The following MTFMT variants were observed in gnomAD, a reference collection of about 807,000 sequenced individuals.
MTFMT encodes methionyl-tRNA formyltransferase, mitochondrial.
In MTFMT, 47 loss-of-function variants were observed where a neutral mutation model predicts 51.8. The ratio of observed to expected loss-of-function variants is 0.91; its 90% confidence interval spans 0.72 to 1.16. MTFMT has a LOEUF of 1.16. Among genes scored for constraint, MTFMT ranks in the 50% most tolerant of loss-of-function variants. The pLI is 0.00. For missense variants in MTFMT, 512 were observed against 482.3 expected (o/e 1.06, Z -0.58); for synonymous variants, 196 against 176.7 (o/e 1.11, Z -0.87).
chr15:65,003,126 G>A lies in MTFMT; in HGVS notation c.1106C>T (p.Thr369Ile). Residue 369 changes from threonine to isoleucine, a missense_variant, in exon 9 of 9, where the codon ACT becomes ATT. Transcript: ENST00000220058. ...CTTCTTCTTTGTTGGAAGTCTGAGAGTCTGAAATCTGCATTGGCTTGGTTG... is the reference window on the plus strand; with the variant it reads ...CTTCTTCTTTGTTGGAAGTCTGAGAATCTGAAATCTGCATTGGCTTGGTTG... ...QAQPSQCRFQ[T>I]LRLPTKKKQK... 1.2e-6 allele frequency: 2 copies of A among 1,613,194 alleles called. No homozygotes were observed. The highest frequency in any genetic ancestry group is 1.7e-6 in the Non-Finnish European group (2 of 1,179,540).
At position 65,026,997 on chromosome 15, in the gene MTFMT, T is replaced by A. The variant is rs752682472; in HGVS notation, c.253A>T (p.Thr85Ser). The A allele has an allele frequency of 6.2e-7, 1 of 1,613,940 alleles. No homozygotes were observed. The highest frequency in any genetic ancestry group is 1.7e-5 in the Admixed American group (1 of 60,006). ...CCTTTTGGTGATGGGGAAGGCATTG[T>A]GACCACCTCCAGTTTGTCGATTAAC... ...EELIDKLEVV[T>S]MPSPSPKGLP... Residue 85 changes from threonine (T) to serine (S), a missense_variant, in exon 2 of 9, where the codon ACA becomes TCA. By Grantham distance (58) the Thr-to-Ser change is moderately conservative. Transcript: ENST00000220058.
intron 6 of MTFMT, among the ~76,000 whole-genome samples, chr15:65,012,354 G>GA (rs1030356797): frequency 1.1e-4 from 17 of 150,202 alleles, no homozygotes; most frequent in Non-Finnish European, 2.1e-4. Flanking sequence ...ACTACCTTTA[G>GA]AAAAAAAAAT....
At chr15:65,010,279 A>G (rs1595888912) in intron 6 of MTFMT, among the ~76,000 whole-genome samples, 1 of 152,138 alleles carries the variant, frequency 6.6e-6, no homozygotes, top group African/African-American at 2.4e-5. Flanking sequence ...AGTGGTTTTT[A>G]GTAGACTCAG....
intron 6 of MTFMT, among the ~76,000 whole-genome samples, chr15:65,011,050 A>G (rs1351622513): frequency 6.6e-6 from 1 of 152,160 alleles, no homozygotes; most frequent in Admixed American, 6.5e-5. Flanking sequence ...GGGCCAGGGC[A>G]GTGGCTCATG....
rs2140494043 is a variant in MTFMT at position 65,029,634 on chromosome 15, G to C, written c.-21C>G. 2 of 1,375,584 alleles carry C rather than the reference G, an allele frequency of 1.5e-6. No individual in the cohort carries two copies. Among genetic ancestry groups the C allele is most frequent in the South Asian group, 1.6e-5 (1 of 61,106 alleles). 85.2% of individuals were successfully genotyped at this position (1,375,584 alleles called of 1,614,324 possible). ...CTCATCGCCTCGGCCGCCGGCGGCC[G>C]GCCCTGCGCAGGCGCATCGGGGCGG... On this transcript the variant is annotated 5_prime_UTR_variant, in exon 1 of 9. Transcript: ENST00000220058.
intron 3 of MTFMT, among the ~76,000 whole-genome samples, chr15:65,022,525 T>C (rs935671922): frequency 6.6e-6 from 1 of 152,166 alleles, no homozygotes; most frequent in Non-Finnish European, 1.5e-5. Flanking sequence ...TCAAGCTCTG[T>C]AAACACTGGT....
chr15:65,022,888 A>T (rs1045459943), intron 3 of MTFMT, among the ~76,000 whole-genome samples: 1 of 151,150 alleles, frequency 6.6e-6, no homozygotes, highest in African/African-American at 2.4e-5. Flanking sequence ...TTTATTTTTT[A>T]TATGTTGCCC....
chr15:65,022,787 G>A (rs983805220), intron 3 of MTFMT, among the ~76,000 whole-genome samples: 3 of 149,272 alleles, frequency 2.0e-5, no homozygotes, highest in Admixed American at 6.8e-5. Flanking sequence ...CCTCACTGCC[G>A]CCTCAACCTC....
At chr15:65,024,632 C>T (rs765687539) in intron 2 of MTFMT, among the ~76,000 whole-genome samples, 10 of 151,668 alleles carry the variant, frequency 6.6e-5, no homozygotes, top group Non-Finnish European at 1.2e-4. Context: ...ATTCACTGAG[C>T]GCACTCCATG....
At position 65,002,998 on chromosome 15, in the gene MTFMT, C is replaced by T. The variant is rs2086188703; in HGVS notation, c.*64G>A. 1.2e-6 allele frequency: 1 copy of T among 857,430 alleles called. No individual in the cohort carries two copies. The highest frequency in any genetic ancestry group is 3.3e-5 in the South Asian group (1 of 30,620). The allele number at this position is 857,430 out of a possible 1,614,324, so 53.1% of individuals were successfully genotyped here. The stretch of plus-strand genomic sequence containing the variant: ...AAAAAAAAAAAAGTCCAGATAATTC[C>T]TTGTAAATAAGGTTTTTAATAAATT... On this transcript the variant is annotated 3_prime_UTR_variant, in exon 9 of 9. Coordinates refer to ENST00000220058, the MANE Select transcript of MTFMT (RefSeq NM_139242.4).
intron 5 of MTFMT, among the ~76,000 whole-genome samples, chr15:65,019,827 G>T (rs2086355906): frequency 2.0e-5 from 3 of 152,088 alleles, no homozygotes; most frequent in Admixed American, 2.0e-4. Context: ...ACTTAGAGAT[G>T]AAAGATCATG....
chr15:65,021,287 G>A (rs2086372321), intron 4 of MTFMT, among the ~76,000 whole-genome samples: 1 of 152,206 alleles, frequency 6.6e-6, no homozygotes, highest in African/African-American at 2.4e-5. Flanking sequence ...GGTCATGTAA[G>A]ATCACCTGTT....
chr15:65,015,315 G>A (rs908227775), intron 6 of MTFMT, among the ~76,000 whole-genome samples: 6 of 152,106 alleles, frequency 3.9e-5, no homozygotes, highest in African/African-American at 1.4e-4. Flanking sequence ...GATAGATCTC[G>A]TTCAAAACCT....
chr15:65,013,040 GT>G (rs918507217), intron 6 of MTFMT, among the ~76,000 whole-genome samples: 9 of 151,722 alleles, frequency 5.9e-5, no homozygotes, highest in African/African-American at 2.2e-4. Flanking sequence ...AGCTCTAATA[GT>G]TTTTTTTGGA....
At chr15:65,026,690 T>A in intron 2 of MTFMT, 141 bp downstream of exon 2, 1 of 729,462 alleles carries the variant, frequency 1.4e-6, no homozygotes, top group Non-Finnish European at 2.2e-6. Context: ...TAAGCAAACA[T>A]GTACAGAAAA....
chr15:65,027,462 G>C (rs912313876), intron 1 of MTFMT, among the ~76,000 whole-genome samples: 4 of 152,118 alleles, frequency 2.6e-5, no homozygotes, highest in African/African-American at 7.2e-5. Context: ...ACCTCCCAAA[G>C]TGCTGGGATT....
chr15:65,016,582 G>T, intron 5 of MTFMT, 55 bp from the exon 6 acceptor site: 1 of 1,143,890 alleles, frequency 8.7e-7, no homozygotes, highest in Non-Finnish European at 1.3e-6. Flanking sequence ...TCCATGAATT[G>T]ACAGCTATTG....
intron 6 of MTFMT, among the ~76,000 whole-genome samples, chr15:65,011,472 T>C (rs991447020): frequency 3.3e-5 from 5 of 149,650 alleles, no homozygotes; most frequent in Non-Finnish European, 7.4e-5. Flanking sequence ...TTCCCTCCCA[T>C]TCTGTAAGCT....
At position 65,029,587 on chromosome 15, in the gene MTFMT, C is replaced by A; in HGVS notation, c.27G>T (p.Trp9Cys). Residue 9 changes from tryptophan (W) to cysteine (C), a missense_variant, in exon 1 of 9, where the codon TGG becomes TGT. Transcript: ENST00000220058. MRVLVRRC[W>C]GPPLAHGARR... ...TGGCGCCATGAGCCAGCGGAGGACCCCAACAGCGCCGCACCAACACCCTCA... is the reference window on the plus strand; with the variant it reads ...TGGCGCCATGAGCCAGCGGAGGACCACAACAGCGCCGCACCAACACCCTCA... 1 of 1,476,892 alleles carries A rather than the reference C, an allele frequency of 6.8e-7. No individual in the cohort carries two copies. The highest frequency in any genetic ancestry group is 9.0e-7 in the Non-Finnish European group (1 of 1,112,636). The allele number at this position is 1,476,892 out of a possible 1,614,324, so 91.5% of individuals were successfully genotyped here. A position where few individuals can be genotyped will look rare whatever the true frequency, so the allele number is the denominator to read the frequency against.
Sources: allele counts gnomAD v4.1 joint callset (sites outside exome capture counted in the v4.1 genomes callset), GRCh38; gene constraint gnomAD v4.1.1; transcripts MANE v1.5; gene names NCBI Gene and HGNC (gene_info 2026-07-23, HGNC 2026-07-21).